The following SLC25A21 variants were observed in gnomAD, a reference collection of about 807,000 sequenced individuals.
SLC25A21 encodes the protein mitochondrial 2-oxodicarboxylate carrier.
A neutral mutation model predicts 43.8 loss-of-function variants in SLC25A21; 47 were observed. That is an observed-to-expected ratio of 1.07 (90% CI 0.85 to 1.37). The LOEUF (loss-of-function observed/expected upper bound fraction) is 1.37, where lower values mean the gene tolerates loss of function less well. Ranked by LOEUF, SLC25A21 falls within the 40% of genes most tolerant of loss-of-function variation. SLC25A21 has a pLI of 0.00. For synonymous variants in SLC25A21, 131 were observed against 121.3 expected, an observed-to-expected ratio of 1.08 and a Z score of -0.52; for missense variants, 352 against 350.2, an observed-to-expected ratio of 1.00 and a Z score of -0.04.
In SLC25A21 at chr14:36,679,363, C is replaced by A. The variant is rs939493835; in HGVS notation, c.*1295G>T. 1.5e-5 allele frequency: 15 copies of A among 973,494 alleles called. No individual in the cohort carries two copies. In the African/African-American group the frequency reaches 2.5e-4, roughly 16 times the overall value. The allele number at this position is 973,494 out of a possible 1,614,324, so 60.3% of individuals were successfully genotyped here. ...CTAAATTAATAAAAAGTAATAATTA[C>A]CATGTTATCTTTTACTTTTTATTTT... On this transcript the variant is annotated 3_prime_UTR_variant, in exon 10 of 10. Coordinates refer to ENST00000331299, the MANE Select transcript of SLC25A21 (RefSeq NM_030631.4).
rs371435370 is a variant in SLC25A21 at position 37,132,100 on chromosome 14, A to G, written c.70+40181T>C. On this transcript the variant is annotated intron_variant, in intron 1 of 9. Coordinates refer to ENST00000331299, the MANE Select transcript of SLC25A21 (RefSeq NM_030631.4). ...GCATCATCCCATGGTGGAAGGCAGA[A>G]GGTCAAGAGAGCATACGTGTGAGAA... Among the ~76,000 whole-genome samples the G allele has an allele frequency of 2.1e-4, 32 of 152,332 alleles. No individual in the cohort carries two copies. In the East Asian group the frequency reaches 5.6e-3, roughly 27 times the overall value.
intron 1 of SLC25A21, among the ~76,000 whole-genome samples, chr14:37,084,876 C>A (rs1426089453): frequency 6.6e-6 from 1 of 152,200 alleles, no homozygotes; most frequent in Admixed American, 6.5e-5. Flanking sequence ...AGTCCAGAAA[C>A]AAACCCCAAC....
chr14:36,850,395 G>A (rs947956457), intron 2 of SLC25A21, among the ~76,000 whole-genome samples: 10 of 152,062 alleles, frequency 6.6e-5, no homozygotes, highest in African/African-American at 2.4e-4. Context: ...ACTGAATCAG[G>A]ATTCAAACCC....
chr14:36,838,730 C>T (rs895905700), intron 2 of SLC25A21, among the ~76,000 whole-genome samples: 2 of 152,186 alleles, frequency 1.3e-5, no homozygotes, highest in African/African-American at 2.4e-5. Context: ...TTGGCACATT[C>T]GCCAATATTT....
chr14:37,029,989 T>G (rs1234707665), intron 1 of SLC25A21, among the ~76,000 whole-genome samples: 1 of 152,030 alleles, frequency 6.6e-6, no homozygotes, highest in Non-Finnish European at 1.5e-5. Context: ...GGTCTCAAAC[T>G]CCTGACCTCA....
At chr14:37,108,902 C>T (rs1962967267) in intron 1 of SLC25A21, among the ~76,000 whole-genome samples, 1 of 151,942 alleles carries the variant, frequency 6.6e-6, no homozygotes, top group Non-Finnish European at 1.5e-5. Context: ...CCCTGATTTC[C>T]ATCCACCTAC....
chr14:36,949,137 C>G (rs1456754308), intron 1 of SLC25A21, among the ~76,000 whole-genome samples: 1 of 152,166 alleles, frequency 6.6e-6, no homozygotes, highest in African/African-American at 2.4e-5. Flanking sequence ...ATCAGTCCAG[C>G]TTTCTTTGAG....
chr14:37,168,973 CG>C (rs1566928552), intron 1 of SLC25A21, among the ~76,000 whole-genome samples: 1 of 152,174 alleles, frequency 6.6e-6, no homozygotes, highest in Admixed American at 6.5e-5. Context: ...GACTGCCACA[CG>C]GCCGCTTCTC....
chr14:36,874,143 C>T (rs1373087977), intron 2 of SLC25A21, among the ~76,000 whole-genome samples: 13 of 152,202 alleles, frequency 8.5e-5, no homozygotes, highest in Non-Finnish European at 1.6e-4. Context: ...ACACATCCAT[C>T]CAATGACCAG....
At chr14:36,790,866 G>A (rs1453904194) in intron 3 of SLC25A21, among the ~76,000 whole-genome samples, 1 of 152,078 alleles carries the variant, frequency 6.6e-6, no homozygotes, top group East Asian at 1.9e-4. Flanking sequence ...GGAAAAAAGG[G>A]GAGTGTGCAG....
At chr14:37,007,252 C>A (rs562329546) in intron 1 of SLC25A21, among the ~76,000 whole-genome samples, 5 of 152,226 alleles carry the variant, frequency 3.3e-5, no homozygotes, top group African/African-American at 1.2e-4. Flanking sequence ...ACTAGTCATG[C>A]AAAAGCCTTA....
chr14:36,818,235 G>C (rs1206516032), intron 2 of SLC25A21, among the ~76,000 whole-genome samples: 1 of 152,120 alleles, frequency 6.6e-6, no homozygotes, highest in African/African-American at 2.4e-5. Flanking sequence ...AAGGGAGAGG[G>C]GAAATAAAGA....
chr14:36,782,703 C>CA (rs1279490600), intron 3 of SLC25A21, among the ~76,000 whole-genome samples: 1 of 146,704 alleles, frequency 6.8e-6, no homozygotes, highest in Admixed American at 7.1e-5. Context: ...ATCGCAAGAA[C>CA]AAAAAACCAA....
At chr14:36,770,526 G>T (rs1488571268) in intron 3 of SLC25A21, among the ~76,000 whole-genome samples, 1 of 152,122 alleles carries the variant, frequency 6.6e-6, no homozygotes, top group Non-Finnish European at 1.5e-5. Flanking sequence ...TAAAATAAAA[G>T]TTGAAATTAT....
intron 1 of SLC25A21, among the ~76,000 whole-genome samples, chr14:37,089,636 T>C (rs2138848719): frequency 6.6e-6 from 1 of 152,266 alleles, no homozygotes; most frequent in South Asian, 2.1e-4. Context: ...GGAGACTTTC[T>C]TAGAGAGTAA....
At chr14:36,851,048 T>C (rs1325155084) in intron 2 of SLC25A21, among the ~76,000 whole-genome samples, 2 of 152,354 alleles carry the variant, frequency 1.3e-5, no homozygotes, top group South Asian at 2.1e-4. Flanking sequence ...AAGTACACTG[T>C]ATGCTCTGTG....
chr14:36,781,486 T>G (rs1471060187), intron 3 of SLC25A21, among the ~76,000 whole-genome samples: 1 of 152,196 alleles, frequency 6.6e-6, no homozygotes, highest in Non-Finnish European at 1.5e-5. Context: ...CTCTTTTGTT[T>G]ATCTACTGCA....
chr14:36,964,800 T>C (rs1364982046), intron 1 of SLC25A21, among the ~76,000 whole-genome samples: 2 of 152,200 alleles, frequency 1.3e-5, no homozygotes, highest in Admixed American at 6.5e-5. Flanking sequence ...TGATTCAACA[T>C]GAACGCATCT....
Position 36,815,582 on chromosome 14 carries a change from G to A in SLC25A21, c.120-1581C>T, listed in dbSNP as rs568174078. On this transcript the variant is annotated intron_variant, in intron 2 of 9. Coordinates refer to ENST00000331299, the MANE Select transcript of SLC25A21 (RefSeq NM_030631.4). ...TATAATTAGAGCTCAATAAACATGTGTCCCATTTTTGAAAGGTAAGTTCTT... is the reference window on the plus strand; with the variant it reads ...TATAATTAGAGCTCAATAAACATGTATCCCATTTTTGAAAGGTAAGTTCTT... 3.2e-3 allele frequency among the ~76,000 whole-genome samples: 481 copies of A among 152,224 alleles called. 3 individuals are homozygous for A. The highest frequency in any genetic ancestry group is 0.01 in the African/African-American group (432 of 41,544).
Sources: allele counts gnomAD v4.1 joint callset (sites outside exome capture counted in the v4.1 genomes callset), GRCh38; gene constraint gnomAD v4.1.1; transcripts MANE v1.5; gene names NCBI Gene and HGNC (gene_info 2026-07-23, HGNC 2026-07-21).